The following ELFN2 variants were observed in gnomAD, a reference collection of about 807,000 sequenced individuals.
ELFN2 encodes protein phosphatase 1 regulatory subunit 29.
A neutral mutation model predicts 45.5 loss-of-function variants in ELFN2; 17 were observed. The ratio of observed to expected loss-of-function variants is 0.37; its 90% CI spans 0.26 to 0.56. ELFN2 has a LOEUF of 0.56. Ranked by LOEUF, ELFN2 falls within the 20% of genes least tolerant of loss-of-function variation. ELFN2 has a pLI of 0.77. For missense variants in ELFN2, 922 were observed against 1,183.2 expected (o/e 0.78, Z 3.24); for synonymous variants, 550 against 551.5 (o/e 1.00, Z 0.04).
chr22:37,412,721 G>A (rs1932677970), intron 2 of ELFN2, among the ~76,000 whole-genome samples: 1 of 152,234 alleles, frequency 6.6e-6, no homozygotes, highest in Non-Finnish European at 1.5e-5. Context: ...CACAAGGCCA[G>A]ATCTATTCCC....
At chr22:37,343,655 AG>A (rs1930616569) in intron 1 of ELFN2, among the ~76,000 whole-genome samples, 1 of 152,002 alleles carries the variant, frequency 6.6e-6, no homozygotes, top group South Asian at 2.1e-4. Flanking sequence ...AGCCACCAGC[AG>A]GAGGGAGTGC....
At position 37,377,363 on chromosome 22, in the gene ELFN2, T is replaced by G. The variant is rs947357371; in HGVS notation, c.-462-1367A>C. On this transcript the variant is annotated intron_variant, in intron 2 of 2. Transcript: ENST00000402918. The stretch of plus-strand genomic sequence containing the variant: ...CTGCCCTGGGCAGGGGCCAGGGATG[T>G]GAAGATGAGGTCTGAGAAATCCACG... Among the ~76,000 whole-genome samples the G allele has an allele frequency of 1.3e-5, 2 of 152,112 alleles. 1 individual carries two copies. The highest frequency in any genetic ancestry group is 4.1e-4 in the South Asian group (2 of 4,828).
intron 1 of ELFN2, among the ~76,000 whole-genome samples, chr22:37,355,717 A>C (rs915709312): frequency 6.6e-6 from 1 of 152,206 alleles, no homozygotes; most frequent in African/African-American, 2.4e-5. Context: ...TTCTGAGTGC[A>C]GTCCGTGGCC....
chr22:37,402,915 G>A (rs5995428), intron 2 of ELFN2, among the ~76,000 whole-genome samples: 52,278 of 151,860 alleles, frequency 0.34, 9,287 homozygotes, highest in Non-Finnish European at 0.38. Context: ...GATAGGAGAC[G>A]GGGGTTAGAG....
intron 1 of ELFN2, chr22:37,354,412 A>G (rs555521403): frequency 5.2e-5 from 8 of 152,386 alleles, no homozygotes; most frequent in Admixed American, 1.3e-4. Flanking sequence ...CACAAATAAT[A>G]AAACACTGCA....
intron 1 of ELFN2, among the ~76,000 whole-genome samples, chr22:37,362,661 C>T (rs1931118523): frequency 6.6e-6 from 1 of 152,224 alleles, no homozygotes; most frequent in Non-Finnish European, 1.5e-5. Context: ...CTCCTTCCAG[C>T]TCTTCTGGGT....
intron 1 of ELFN2, among the ~76,000 whole-genome samples, chr22:37,422,376 A>G (rs893535244): frequency 1.3e-5 from 2 of 149,654 alleles, no homozygotes; most frequent in African/African-American, 5.0e-5. Flanking sequence ...AGGGTTAAGA[A>G]TTCGTTTTTT....
At chr22:37,364,277 A>C (rs1177995169), downstream of ELFN2, among the ~76,000 whole-genome samples, 1 of 152,192 alleles carries the variant, frequency 6.6e-6, no homozygotes, top group Non-Finnish European at 1.5e-5. Flanking sequence ...TGGCGGCAGC[A>C]AGGGAGGATT....
chr22:37,421,583 T>C (rs1258409353), intron 1 of ELFN2, among the ~76,000 whole-genome samples: 1 of 152,104 alleles, frequency 6.6e-6, no homozygotes, highest in African/African-American at 2.4e-5. Flanking sequence ...TCCAGGGCCC[T>C]GAGCTCTGCC....
intron 2 of ELFN2, among the ~76,000 whole-genome samples, chr22:37,395,337 G>A (rs1353657231): frequency 6.6e-6 from 1 of 152,046 alleles, no homozygotes; most frequent in African/African-American, 2.4e-5. Context: ...CCACACGCCA[G>A]ACCCAAGTAG....
At chr22:37,362,784 C>G (rs1931120791) in intron 1 of ELFN2, among the ~76,000 whole-genome samples, 1 of 152,220 alleles carries the variant, frequency 6.6e-6, no homozygotes, top group Non-Finnish European at 1.5e-5. Flanking sequence ...CACCCTGGTC[C>G]ACACACCAGA....
intron 2 of ELFN2, among the ~76,000 whole-genome samples, chr22:37,406,228 C>A (rs1165223009): frequency 1.3e-5 from 2 of 152,202 alleles, no homozygotes; most frequent in South Asian, 2.1e-4. Context: ...CGAGGTGATA[C>A]GTGAAAGTTG....
chr22:37,376,284 G>C (rs1005405567), intron 2 of ELFN2, among the ~76,000 whole-genome samples: 2 of 152,042 alleles, frequency 1.3e-5, no homozygotes, highest in Admixed American at 6.5e-5. Context: ...GAACAGGTGA[G>C]CACAGGTGCA....
In ELFN2 at chr22:37,372,940, G is replaced by T; in HGVS notation, c.*132C>A. ...GTCAGGTGTGTGTGTGCGTGCGTGC[G>T]TGCGGGTCTGCATGTGCGTCCTCTC... On this transcript the variant is annotated 3_prime_UTR_variant, in exon 3 of 3. Transcript: ENST00000402918. This position sits in a 1 kb window ranked among gnomAD's most constrained non-coding sequence, Gnocchi z 4.4. The T allele has an allele frequency of 1.0e-6, 1 of 973,066 alleles. No individual in the cohort carries two copies. Among genetic ancestry groups the T allele is most frequent in the Non-Finnish European group, 1.5e-6 (1 of 676,304 alleles). The allele number at this position is 973,066 out of a possible 1,614,324, so 60.3% of individuals were successfully genotyped here. A position where few individuals can be genotyped will look rare whatever the true frequency, so the allele number is the denominator to read the frequency against.
intron 1 of ELFN2, among the ~76,000 whole-genome samples, chr22:37,349,062 T>C (rs930052293): frequency 6.6e-6 from 1 of 151,220 alleles, no homozygotes; most frequent in Non-Finnish European, 1.5e-5. Context: ...GCATCTCTTC[T>C]GCATGCCACG....
chr22:37,406,164 A>G (rs1272119834), intron 2 of ELFN2, among the ~76,000 whole-genome samples: 1 of 152,102 alleles, frequency 6.6e-6, no homozygotes, highest in Non-Finnish European at 1.5e-5. Flanking sequence ...AATAAAACAA[A>G]TGAAAAATAA....
intron 2 of ELFN2, among the ~76,000 whole-genome samples, chr22:37,410,227 A>G (rs548832139): frequency 2.0e-5 from 3 of 152,236 alleles, no homozygotes; most frequent in African/African-American, 4.8e-5. Context: ...GGAGAGAGAG[A>G]GAAACAGAAC....
chr22:37,354,503 C>A (rs1020806046), intron 1 of ELFN2: 2 of 152,002 alleles, frequency 1.3e-5, no homozygotes, highest in Non-Finnish European at 2.9e-5. Flanking sequence ...TTTTTCTATG[C>A]GATTCTATGG....
intron 2 of ELFN2, among the ~76,000 whole-genome samples, chr22:37,397,563 T>C (rs1161358123): frequency 6.6e-6 from 1 of 152,148 alleles, no homozygotes; most frequent in Non-Finnish European, 1.5e-5. Flanking sequence ...AGGGGGAACG[T>C]GGACAGAGCC....
Sources: allele counts gnomAD v4.1 joint callset (sites outside exome capture counted in the v4.1 genomes callset), GRCh38; gene constraint gnomAD v4.1.1; non-coding constraint Gnocchi (gnomAD v3.1); transcripts MANE v1.5; gene names NCBI Gene and HGNC (gene_info 2026-07-23, HGNC 2026-07-21).